The following DDX23 variants were observed in gnomAD, a reference collection of about 807,000 sequenced individuals.
DDX23 encodes DEAD-box helicase 23.
In DDX23, 33 loss-of-function variants were observed where a neutral mutation model predicts 102.7. That is an observed-to-expected ratio of 0.32 (90% CI 0.24 to 0.43). The LOEUF (loss-of-function observed/expected upper bound fraction) is 0.43, where lower values mean the gene tolerates loss of function less well. Among genes scored for constraint, DDX23 ranks in the 20% least tolerant of loss-of-function variants. DDX23 has a pLI of 1.00. For synonymous variants in DDX23, 352 were observed against 376.0 expected (o/e 0.94, Z 0.74); for missense variants, 549 against 1,086.6 (o/e 0.51, Z 6.96).
intron 11 of DDX23, 120 bp from the exon 12 acceptor site, chr12:48,834,617 G>T: frequency 1.1e-6 from 1 of 931,970 alleles, no homozygotes; most frequent in Non-Finnish European, 1.6e-6. Context: ...GATGAGAAAA[G>T]AATGCAATGA....
In DDX23 at chr12:48,832,301, C is replaced by T. The variant is rs1938401527; in HGVS notation, c.1956-115G>A. On this transcript the variant is annotated intron_variant, in intron 14 of 16. Transcript: ENST00000308025. The surrounding 1 kb of genome is among the most constrained non-coding windows in gnomAD (Gnocchi z 4.4). ...TCTTTAATGCCCATGACATTCTGCCCAAGAAAACAGCAGCTCTTCAACACA... is the reference window on the plus strand; with the variant it reads ...TCTTTAATGCCCATGACATTCTGCCTAAGAAAACAGCAGCTCTTCAACACA... The T allele has an allele frequency of 4.5e-6, 7 of 1,551,878 alleles. No individual in the cohort carries two copies. Among genetic ancestry groups the T allele is most frequent in the African/African-American group, 2.7e-5 (2 of 73,512 alleles).
intron 6 of DDX23, 90 bp downstream of exon 6, chr12:48,837,852 G>T: frequency 1.3e-6 from 2 of 1,577,408 alleles, no homozygotes; most frequent in South Asian, 2.4e-5. Context: ...ACTCCAGAGT[G>T]AACAGGTTTC....
intron 7 of DDX23, 28 bp downstream of exon 7, chr12:48,837,496 G>T: frequency 1.2e-6 from 2 of 1,613,842 alleles, no homozygotes; most frequent in South Asian, 2.2e-5. Flanking sequence ...GTGTGGGAGA[G>T]AAGTGAAGAT....
chr12:48,846,702 A>C (rs1938673924), intron 1 of DDX23, among the ~76,000 whole-genome samples: 1 of 152,206 alleles, frequency 6.6e-6, no homozygotes, highest in Non-Finnish European at 1.5e-5. Context: ...AATTATTTCA[A>C]AGATATATAT....
At chr12:48,842,542 G>A (rs1185637480) in intron 3 of DDX23, among the ~76,000 whole-genome samples, 3 of 144,210 alleles carry the variant, frequency 2.1e-5, no homozygotes, top group African/African-American at 8.0e-5. Flanking sequence ...GTCCGGGAGG[G>A]AGGTGGGGGG....
Position 48,832,157 on chromosome 12 carries a change from C to A in DDX23, c.1985G>T (p.Gly662Val). Residue 662 changes from glycine (G) to valine (V), a missense_variant, in exon 15 of 17, where the codon GGC (glycine) becomes GTC (valine). Around this residue, in one of 4 missense-constraint regions of DDX23, gnomAD observed 270 missense variants for 707.0 expected, o/e 0.38. Coordinates refer to ENST00000308025, the MANE Select transcript of DDX23 (RefSeq NM_004818.3). The surrounding 1 kb of genome is among the most constrained non-coding windows in gnomAD (Gnocchi z 4.4). ...RKKLLAILEQ[G>V]FDPPIIIFVN... ...AAAAATAATGATGGGTGGGTCAAAGCCTTGCTCCAAGATTGCCAGCAGCTT... is the reference window on the plus strand; with the variant it reads ...AAAAATAATGATGGGTGGGTCAAAGACTTGCTCCAAGATTGCCAGCAGCTT... 6.2e-7 allele frequency: 1 copy of A among 1,613,934 alleles called. No individual in the cohort carries two copies. The highest frequency in any genetic ancestry group is 1.1e-5 in the South Asian group (1 of 91,074).
In DDX23 at chr12:48,840,053, T is replaced by A; in HGVS notation, c.374A>T (p.Lys125Met). Residue 125 changes from lysine to methionine, a missense_variant, in exon 4 of 17, where the codon AAG becomes ATG. This residue lies in a region of DDX23 where 241 missense variants were observed against 267.0 expected (regional missense o/e 0.90). Coordinates refer to ENST00000308025, the MANE Select transcript of DDX23 (RefSeq NM_004818.3). ...DFKSRKDRDS[K>M]KDEEDEHGDK... is the part of the protein sequence containing the mutation. ...ACCATGTTCATCCTCTTCATCCTTC[T>A]TAGAGTCTCTGTCCTTCCGAGATTT... 1 of 1,614,226 alleles carries A rather than the reference T, an allele frequency of 6.2e-7. No homozygotes were observed. The highest frequency in any genetic ancestry group is 8.5e-7 in the Non-Finnish European group (1 of 1,180,034).
chr12:48,851,298 C>A (rs143364887), intron 1 of DDX23, among the ~76,000 whole-genome samples: 10,849 of 152,066 alleles, frequency 0.071, 1,184 homozygotes, highest in East Asian at 0.56. Flanking sequence ...ACGGTGAAAC[C>A]CCGTCTCTAC....
Position 48,836,453 on chromosome 12 carries a change from G to A in DDX23, c.1236+116C>T. The A allele has an allele frequency of 7.9e-7, 1 of 1,261,688 alleles. No homozygotes were observed. Among genetic ancestry groups the A allele is most frequent in the Non-Finnish European group, 1.1e-6 (1 of 894,008 alleles). 78.2% of individuals were successfully genotyped at this position (1,261,688 alleles called of 1,614,324 possible). A position where few individuals can be genotyped will look rare whatever the true frequency, so the allele number is the denominator to read the frequency against. On this transcript the variant is annotated intron_variant, in intron 10 of 16. Coordinates refer to ENST00000308025, the MANE Select transcript of DDX23 (RefSeq NM_004818.3). This position sits in a 1 kb window ranked among gnomAD's most constrained non-coding sequence, Gnocchi z 6.1. Reference sequence around the variant, plus strand: ...CTTCTACCAGAAAGTGACAGAAAAGGTCACATTGGTGCCCACTAGCAGCGA... The same window carrying A: ...CTTCTACCAGAAAGTGACAGAAAAGATCACATTGGTGCCCACTAGCAGCGA...
chr12:48,846,346 A>G (rs1938667117), intron 1 of DDX23, among the ~76,000 whole-genome samples: 1 of 152,238 alleles, frequency 6.6e-6, no homozygotes, highest in Non-Finnish European at 1.5e-5. Flanking sequence ...GAGTATTAAA[A>G]GAAGTGTTAG....
intron 1 of DDX23, among the ~76,000 whole-genome samples, chr12:48,850,404 T>C (rs1341506673): frequency 5.3e-5 from 8 of 152,196 alleles, no homozygotes; most frequent in Non-Finnish European, 1.0e-4. Context: ...ACGTTTCATT[T>C]TGGCCAGGTT....
At chr12:48,831,345 G>A (rs1201340858) in intron 15 of DDX23, 29 bp from the exon 16 acceptor site, 2 of 1,611,424 alleles carry the variant, frequency 1.2e-6, no homozygotes, top group Non-Finnish European at 1.7e-6. Flanking sequence ...AGTGAAGAGT[G>A]AGCAATGCAA....
chr12:48,838,084 CAA>C lies in DDX23; in HGVS notation c.481-6_481-5del, dbSNP rs764495691. The C allele has an allele frequency of 4.3e-6, 7 of 1,614,128 alleles. No individual in the cohort carries two copies. In the Admixed American group the frequency reaches 5.0e-5, roughly 12 times the overall value. ...CTGCTTTAGAGAGGAACTTGGGCTA[CAA>C]AAGAGATTGGAACTGTCAACAAAGG... On this transcript the variant is annotated splice_region_variant and splice_polypyrimidine_tract_variant and intron_variant, in intron 5 of 16. Coordinates refer to ENST00000308025, the MANE Select transcript of DDX23 (RefSeq NM_004818.3).
chr12:48,832,436 T>C lies in DDX23; in HGVS notation c.1941A>G (p.Ser647=), dbSNP rs894676940. The C allele has an allele frequency of 1.7e-5, 28 of 1,613,426 alleles. No individual in the cohort carries two copies. The highest frequency in any genetic ancestry group is 1.8e-5 in the Non-Finnish European group (21 of 1,179,554). Reference sequence around the variant, plus strand: ...TGCCCTCATACCTCTTTTCTGACTCTGACATGAGGAAGACCTTCTGTTCCA... The same window carrying C: ...TGCCCTCATACCTCTTTTCTGACTCCGACATGAGGAAGACCTTCTGTTCCA... The part of the protein sequence containing the change: ...ERVEQKVFLM[S]ESEKRKKLLA... The change falls in exon 14 of 17, where the codon TCA becomes TCG. Residue 647 remains serine, a synonymous_variant. Transcript: ENST00000308025. This position sits in a 1 kb window ranked among gnomAD's most constrained non-coding sequence, Gnocchi z 4.4.
intron 15 of DDX23, 49 bp from the exon 16 acceptor site, chr12:48,831,365 G>C (rs773960058): frequency 8.2e-6 from 13 of 1,587,042 alleles, no homozygotes; most frequent in African/African-American, 1.3e-5. Flanking sequence ...ATCAAGGAGA[G>C]ACACAGGAGT....
intron 6 of DDX23, 31 bp downstream of exon 6, chr12:48,837,911 T>A (rs1565676655): frequency 6.2e-7 from 1 of 1,611,830 alleles, no homozygotes; most frequent in African/African-American, 1.3e-5. Flanking sequence ...TCCTCTTCCA[T>A]CTAGGGGCTA....
intron 8 of DDX23, 109 bp from the exon 9 acceptor site, chr12:48,837,146 C>T: frequency 6.4e-7 from 1 of 1,562,286 alleles, no homozygotes; most frequent in Non-Finnish European, 8.7e-7. Context: ...GTCTTTCTTC[C>T]ACCAGAGGGC....
intron 1 of DDX23, 64 bp from the exon 2 acceptor site, chr12:48,845,846 T>C (rs980166385): frequency 2.6e-6 from 4 of 1,531,556 alleles, no homozygotes; most frequent in Middle Eastern, 2.0e-4. Context: ...TTATATATAA[T>C]TCAATTACCC....
Position 48,834,650 on chromosome 12 carries a change from A to G in DDX23, c.1383-153T>C, listed in dbSNP as rs992393632. Reference sequence around the variant, plus strand: ...TGATCTCACTTAAAAATCAGAGGCCAGGGCTGGGCATGGTGGCTCATGTCT... The same window carrying G: ...TGATCTCACTTAAAAATCAGAGGCCGGGGCTGGGCATGGTGGCTCATGTCT... On this transcript the variant is annotated intron_variant, in intron 11 of 16. Transcript: ENST00000308025. 1.8e-5 allele frequency: 13 copies of G among 711,002 alleles called. No individual in the cohort carries two copies. The Admixed American group carries it at 3.9e-4, about 21-fold the overall frequency. The allele number at this position is 711,002 out of a possible 1,614,324, so 44.0% of individuals were successfully genotyped here.
Sources: gnomAD v4.1 joint callset for allele counts (sites outside exome capture counted in the v4.1 genomes callset) on GRCh38, gnomAD v4.1.1 for gene constraint, gnomAD v4.1.1 regional missense constraint, Gnocchi (gnomAD v3.1) non-coding constraint, MANE v1.5 for transcripts, NCBI Gene and HGNC (gene_info 2026-07-23, HGNC 2026-07-21) for gene names.